MATN2: variants seen among roughly 807,000 people sequenced by gnomAD.
MATN2 encodes matrilin 2, also known as matrilin-2.
Under a neutral mutation model 103.2 loss-of-function variants are expected in MATN2, and 69 were observed. That is an observed-to-expected ratio of 0.67 (90% CI 0.55 to 0.82). MATN2 has a LOEUF of 0.82. Ranked by LOEUF, MATN2 falls within the 40% of genes least tolerant of loss-of-function variation. The probability of loss-of-function intolerance (pLI) is 0.00; values close to 1 mark genes in which losing one functional copy is unlikely to be tolerated. For synonymous variants in MATN2, 429 were observed against 450.2 expected (o/e 0.95, Z 0.60); for missense variants, 1,023 against 1,211.5 (o/e 0.84, Z 2.31).
In MATN2 at chr8:98,025,689, TA is replaced by T; in HGVS notation, c.1943-1725del. 3 of 386,430 alleles carry T rather than the reference TA, an allele frequency of 7.8e-6. 1 individual carries two copies. Among genetic ancestry groups the T allele is most frequent in the South Asian group, 5.5e-5 (3 of 54,980 alleles). 23.9% of individuals were successfully genotyped at this position (386,430 alleles called of 1,614,324 possible). On this transcript the variant is annotated intron_variant, in intron 13 of 18. Coordinates refer to ENST00000254898, the MANE Select transcript of MATN2 (RefSeq NM_002380.5). ...TGAACCTGGGAGGCAGAAGTTGCAG[TA>T]AGCCAAGATCGCGCCATTGTACTCC...
At chr8:97,973,483 A>G (rs1811724995) in intron 5 of MATN2, among the ~76,000 whole-genome samples, 1 of 152,210 alleles carries the variant, frequency 6.6e-6, no homozygotes. Flanking sequence ...TATTTAAAAC[A>G]CATAAATGTA....
At chr8:97,926,474 T>A (rs1205055682) in intron 2 of MATN2, among the ~76,000 whole-genome samples, 1 of 152,200 alleles carries the variant, frequency 6.6e-6, no homozygotes, top group Admixed American at 6.5e-5. Flanking sequence ...GTACTGATAA[T>A]TTCCTAAGGG....
intron 5 of MATN2, among the ~76,000 whole-genome samples, chr8:97,976,444 A>G (rs1586113053): frequency 6.6e-6 from 1 of 152,368 alleles, no homozygotes; most frequent in East Asian, 1.9e-4. Flanking sequence ...AAGCAAAAGA[A>G]TAAACGTAAC....
intron 2 of MATN2, among the ~76,000 whole-genome samples, chr8:97,917,943 GGGTGT>G (rs972025225): frequency 6.6e-6 from 1 of 151,966 alleles, no homozygotes; most frequent in Non-Finnish European, 1.5e-5. Context: ...AAAATTAGTC[GGGTGT>G]GGTGGGTGTG....
intron 1 of MATN2, among the ~76,000 whole-genome samples, chr8:97,873,045 T>G (rs1586362128): frequency 1.3e-5 from 2 of 152,162 alleles, no homozygotes; most frequent in East Asian, 3.9e-4. Flanking sequence ...TCTGCCCACT[T>G]TGTCCTCCCA....
chr8:98,015,383 C>A (rs1295621415), intron 10 of MATN2, among the ~76,000 whole-genome samples: 2 of 152,138 alleles, frequency 1.3e-5, no homozygotes, highest in Non-Finnish European at 2.9e-5. Flanking sequence ...CAGATCTGAC[C>A]CCCACTGTGA....
At position 98,035,791 on chromosome 8, in the gene MATN2, C is replaced by A; in HGVS notation, c.*79C>A. ...GCAGTGCAGAGCCCCAAAGCTCAGG[C>A]TATTGTTAAATCAATAATGTTGTGA... On this transcript the variant is annotated 3_prime_UTR_variant, in exon 19 of 19. Coordinates refer to ENST00000254898, the MANE Select transcript of MATN2 (RefSeq NM_002380.5). The A allele has an allele frequency of 1.2e-6, 1 of 835,538 alleles. No homozygotes were observed. Among genetic ancestry groups the A allele is most frequent in the South Asian group, 2.2e-5 (1 of 45,826 alleles). The allele number at this position is 835,538 out of a possible 1,614,324, so 51.8% of individuals were successfully genotyped here.
At position 98,003,843 on chromosome 8, in the gene MATN2, C is replaced by G. The variant is rs768939076; in HGVS notation, c.1327+60C>G. ...GGTGGGGTCCACTCATGGGGGCGGG[C>G]GGGTTCACTAGCAACCAGTTATTTC... On this transcript the variant is annotated intron_variant, in intron 8 of 18. Coordinates refer to ENST00000254898, the MANE Select transcript of MATN2 (RefSeq NM_002380.5). The G allele has an allele frequency of 1.0e-5, 16 of 1,594,202 alleles. No individual in the cohort carries two copies. The South Asian group carries it at 1.1e-4, about 11-fold the overall frequency.
intron 4 of MATN2, 27 bp from the exon 5 acceptor site, chr8:97,961,381 T>C (rs1361334466): frequency 1.3e-6 from 2 of 1,588,716 alleles, no homozygotes; most frequent in Non-Finnish European, 1.7e-6. Flanking sequence ...CCTGACGTTG[T>C]GTTCTAACAT....
At chr8:97,975,832 T>G (rs1239729574) in intron 5 of MATN2, among the ~76,000 whole-genome samples, 1 of 152,214 alleles carries the variant, frequency 6.6e-6, no homozygotes, top group South Asian at 2.1e-4. Flanking sequence ...CTGGACCGTG[T>G]GCCAGGGTTT....
intron 4 of MATN2, among the ~76,000 whole-genome samples, chr8:97,945,692 C>T (rs1470820417): frequency 1.7e-5 from 2 of 116,056 alleles, no homozygotes; most frequent in African/African-American, 6.8e-5. Context: ...TACACACACA[C>T]ATACACACTA....
At chr8:98,024,908 C>T (rs1246386838) in intron 13 of MATN2, 1 of 152,236 alleles carries the variant, frequency 6.6e-6, no homozygotes, top group Admixed American at 6.5e-5. Context: ...CTGGGCCCTG[C>T]TCTCCCTGAT....
intron 1 of MATN2, among the ~76,000 whole-genome samples, chr8:97,881,226 T>C (rs1206639428): frequency 6.6e-6 from 1 of 152,180 alleles, no homozygotes; most frequent in African/African-American, 2.4e-5. Flanking sequence ...AATGGTCTGG[T>C]TTAGATTGAG....
At chr8:98,001,025 G>A (rs1447163294) in intron 7 of MATN2, among the ~76,000 whole-genome samples, 7 of 152,204 alleles carry the variant, frequency 4.6e-5, no homozygotes, top group Admixed American at 3.9e-4. Flanking sequence ...AGGGTGATGT[G>A]TCATATCTTT....
At chr8:97,968,318 C>T (rs1302869052) in intron 5 of MATN2, among the ~76,000 whole-genome samples, 1 of 152,230 alleles carries the variant, frequency 6.6e-6, no homozygotes, top group African/African-American at 2.4e-5. Context: ...CACTTGGCTC[C>T]CTTTTAGTTA....
At position 98,017,997 on chromosome 8, in the gene MATN2, A is replaced by G; in HGVS notation, c.1700A>G (p.Lys567Arg). 6.2e-7 allele frequency: 1 copy of G among 1,613,438 alleles called. No individual in the cohort carries two copies. The highest frequency in any genetic ancestry group is 8.5e-7 in the Non-Finnish European group (1 of 1,179,564). The change falls in exon 12 of 19, where the codon AAA (lysine) becomes AGA (arginine). Residue 567 changes from lysine to arginine, a missense_variant. Transcript: ENST00000254898. ...LREDGKTCRR[K>R]DVCQAIDHGC... ...TAACTTGCTCTCCTGTCTTCAGGGA[A>G]AGATGTCTGCCAAGCTATAGACCAT...
intron 8 of MATN2, chr8:98,004,116 A>C (rs999846574): frequency 1.1e-5 from 3 of 261,668 alleles, no homozygotes; most frequent in South Asian, 9.2e-5. Context: ...GTGAAACCCT[A>C]TCTCTACTAA....
Position 97,945,705 on chromosome 8 carries a change from G to GAAAAAA in MATN2, c.835+3814_835+3819dup, listed in dbSNP as rs71303437. Among the ~76,000 whole-genome samples, 782 of 119,794 alleles carry GAAAAAA rather than the reference G, an allele frequency of 6.5e-3. 3 individuals carry two copies. The highest frequency in any genetic ancestry group is 0.012 in the African/African-American group (381 of 31,992). 78.6% of individuals were successfully genotyped at this position (119,794 alleles called of 152,430 possible). A position where few individuals can be genotyped will look rare whatever the true frequency, so the allele number is the denominator to read the frequency against. ...AATACACACACACATACACACTATA[G>GAAAAAA]AAAAAAAAAAAAATATATATATATA... is the stretch of plus-strand genomic sequence containing the variant. On this transcript the variant is annotated intron_variant, in intron 4 of 18. Coordinates refer to ENST00000254898, the MANE Select transcript of MATN2 (RefSeq NM_002380.5).
chr8:97,952,306 G>C (rs1204664026), intron 4 of MATN2: 1 of 152,178 alleles, frequency 6.6e-6, no homozygotes, highest in Non-Finnish European at 1.5e-5. Flanking sequence ...AAAAGTAGAG[G>C]GTGTCTCCTA....
Sources: allele counts gnomAD v4.1 joint callset (sites outside exome capture counted in the v4.1 genomes callset), GRCh38; gene constraint gnomAD v4.1.1; transcripts MANE v1.5; gene names NCBI Gene and HGNC (gene_info 2026-07-23, HGNC 2026-07-21).